MTCL2: variants seen among roughly 807,000 people sequenced by gnomAD.
MTCL2 encodes the protein microtubule cross-linking factor 2.
chr20:36,816,860 G>A, the MTCL2 span, among the ~76,000 whole-genome samples: 1 of 152,230 alleles, frequency 6.6e-6, no homozygotes, highest in Admixed American at 6.5e-5. Flanking sequence ...GGATTTGACT[G>A]TAGTGCTGCT....
chr20:36,797,576 G>A, the MTCL2 span: 3 of 1,555,716 alleles, frequency 1.9e-6, no homozygotes, highest in South Asian at 2.4e-5. Context: ...TTCTGCAGCT[G>A]GGCAAGGGCA....
the MTCL2 span, chr20:36,863,136 G>C: frequency 7.2e-7 from 1 of 1,392,750 alleles, no homozygotes; most frequent in Non-Finnish European, 9.4e-7. This position sits in a 1 kb window ranked among gnomAD's most constrained non-coding sequence, Gnocchi z 6.2. Flanking sequence ...CTTCTTGTCC[G>C]GCCGTGAGGA....
the MTCL2 span, among the ~76,000 whole-genome samples, chr20:36,847,566 T>A: frequency 2.0e-5 from 3 of 151,642 alleles, no homozygotes; most frequent in Non-Finnish European, 2.9e-5. Context: ...AAAGAATGAG[T>A]ATGGGGCCAG....
chr20:36,856,999 G>C, the MTCL2 span, among the ~76,000 whole-genome samples: 1 of 152,230 alleles, frequency 6.6e-6, no homozygotes, highest in Non-Finnish European at 1.5e-5. Context: ...TCCCCTTGGT[G>C]GGTGTCTGTA....
At chr20:36,797,400 T>C in the MTCL2 span, 1 of 1,207,552 alleles carries the variant, frequency 8.3e-7, no homozygotes, top group Non-Finnish European at 1.2e-6. Context: ...GGGTGTGACC[T>C]ATGAGACAGG....
the MTCL2 span, among the ~76,000 whole-genome samples, chr20:36,804,057 C>T: frequency 7.9e-5 from 12 of 151,700 alleles, no homozygotes; most frequent in African/African-American, 2.2e-4. Flanking sequence ...ACTTATTAGC[C>T]GGGTGACCTT....
At chr20:36,811,497 C>T in the MTCL2 span, among the ~76,000 whole-genome samples, 5,965 of 152,044 alleles carry the variant, frequency 0.039, 442 homozygotes, top group African/African-American at 0.14. Context: ...GGCATGGTGG[C>T]GCACGCCTAT....
At chr20:36,808,883 C>T in the MTCL2 span, 5 of 691,406 alleles carry the variant, frequency 7.2e-6, no homozygotes, top group Non-Finnish European at 1.2e-5. Context: ...CCACACGTGG[C>T]GCAATCTATT....
At chr20:36,816,680 G>C in the MTCL2 span, among the ~76,000 whole-genome samples, 1 of 152,282 alleles carries the variant, frequency 6.6e-6, no homozygotes, top group East Asian at 1.9e-4. Context: ...AGGAGCTAAC[G>C]GTATGTGGCC....
chr20:36,807,448 AC>A, the MTCL2 span, among the ~76,000 whole-genome samples: 54 of 152,314 alleles, frequency 3.5e-4, no homozygotes, highest in Admixed American at 6.5e-4. Flanking sequence ...CCAAAAGGAC[AC>A]GGCCAAAGTG....
At chr20:36,817,266 C>CAAAAA in the MTCL2 span, 9 of 516,936 alleles carry the variant, frequency 1.7e-5, no homozygotes, top group Non-Finnish European at 2.7e-5. Context: ...GACTCCGTCT[C>CAAAAA]AAAAAAAAAA....
the MTCL2 span, among the ~76,000 whole-genome samples, chr20:36,803,439 A>G: frequency 6.6e-6 from 1 of 152,226 alleles, no homozygotes; most frequent in South Asian, 2.1e-4. Flanking sequence ...GTGGCAGGAA[A>G]GGGAATGTGC....
chr20:36,781,733 A>C, the MTCL2 span: 1 of 151,474 alleles, frequency 6.6e-6, no homozygotes, highest in Admixed American at 6.6e-5. Context: ...AATAAAAAAT[A>C]AATCTAAAAA....
the MTCL2 span, among the ~76,000 whole-genome samples, chr20:36,819,036 T>A: frequency 2.6e-5 from 4 of 152,176 alleles, no homozygotes; most frequent in South Asian, 8.3e-4. Flanking sequence ...AATCCAAATA[T>A]CTGACGACAT....
At chr20:36,852,392 A>G in the MTCL2 span, among the ~76,000 whole-genome samples, 2 of 152,130 alleles carry the variant, frequency 1.3e-5, no homozygotes, top group Non-Finnish European at 2.9e-5. Flanking sequence ...TGCCAGCCCC[A>G]CCCAAGAGGC....
the MTCL2 span, among the ~76,000 whole-genome samples, chr20:36,831,084 T>C: frequency 6.6e-6 from 1 of 152,196 alleles, no homozygotes; most frequent in Non-Finnish European, 1.5e-5. Flanking sequence ...CCCTCTGTTC[T>C]GTCCCCTGCT....
chr20:36,849,948 C>T, the MTCL2 span, among the ~76,000 whole-genome samples: 3 of 152,068 alleles, frequency 2.0e-5, no homozygotes, highest in East Asian at 1.9e-4. Context: ...TGGGAGGACA[C>T]GGAGAGAACC....
chr20:36,784,674 G>A, the MTCL2 span: 1 of 985,468 alleles, frequency 1.0e-6, no homozygotes, highest in Non-Finnish European at 1.2e-6. Flanking sequence ...TGCCCCACAT[G>A]CTGCAATGAG....
chr20:36,813,228 TAATTCCATCTAC>T, the MTCL2 span, among the ~76,000 whole-genome samples: 1 of 142,488 alleles, frequency 7.0e-6, no homozygotes, highest in African/African-American at 2.6e-5. Context: ...CATGTGCCTG[TAATTCCATCTAC>T]AATTTGAGGC....
Sources: gnomAD v4.1 joint callset for allele counts (sites outside exome capture counted in the v4.1 genomes callset) on GRCh38, gnomAD v4.1.1 for gene constraint, Gnocchi (gnomAD v3.1) non-coding constraint, MANE v1.5 for transcripts, NCBI Gene and HGNC (gene_info 2026-07-23, HGNC 2026-07-21) for gene names.